HNF4G: variants seen among roughly 807,000 people sequenced by gnomAD.
HNF4G encodes the protein hepatocyte nuclear factor 4 gamma.
A neutral mutation model predicts 50.9 loss-of-function variants in HNF4G; 21 were observed. The observed-to-expected ratio is 0.41, with a 90% CI of 0.29 to 0.59. The LOEUF is 0.59. Among genes scored for constraint, HNF4G ranks in the 20% least tolerant of loss-of-function variants. The probability of loss-of-function intolerance (pLI) is 0.26; values close to 1 mark genes in which losing one functional copy is unlikely to be tolerated. For synonymous variants in HNF4G, 198 were observed against 185.6 expected, an observed-to-expected ratio of 1.07 and a Z score of -0.54; for missense variants, 527 against 559.4, an observed-to-expected ratio of 0.94 and a Z score of 0.58.
intron 1 of HNF4G, among the ~76,000 whole-genome samples, chr8:75,430,570 AG>A (rs899745623): frequency 1.3e-5 from 2 of 151,152 alleles, no homozygotes; most frequent in Non-Finnish European, 2.9e-5. Flanking sequence ...GGTGTAGTGA[AG>A]GAAAAGGAAA....
At chr8:75,493,267 C>T (rs1002802478) in intron 2 of HNF4G, among the ~76,000 whole-genome samples, 2 of 151,996 alleles carry the variant, frequency 1.3e-5, no homozygotes, top group African/African-American at 2.4e-5. Flanking sequence ...TTAGACTGAA[C>T]TGTACTGAGT....
Position 75,540,219 on chromosome 8 carries a change from G to A in HNF4G, c.118+139G>A, listed in dbSNP as rs1806576477. The stretch of plus-strand genomic sequence containing the variant: ...CTTGCTTTTAAGGCCACAGATCTGA[G>A]CTTTTGCACTTCATTACAAAATTTA... On this transcript the variant is annotated intron_variant, in intron 1 of 9. Transcript: ENST00000396423. The A allele has an allele frequency of 1.3e-5, 7 of 559,358 alleles. No homozygotes were observed. The East Asian group carries it at 2.1e-4, about 17-fold the overall frequency. 34.6% of individuals were successfully genotyped at this position (559,358 alleles called of 1,614,324 possible).
At chr8:75,560,850 A>G (rs563601308) in intron 9 of HNF4G, among the ~76,000 whole-genome samples, 1 of 152,320 alleles carries the variant, frequency 6.6e-6, no homozygotes, top group Non-Finnish European at 1.5e-5. Context: ...TTGTCAAAAT[A>G]TTAAGAACTC....
At chr8:75,471,279 G>A (rs1812105283) in intron 1 of HNF4G, among the ~76,000 whole-genome samples, 1 of 152,090 alleles carries the variant, frequency 6.6e-6, no homozygotes, top group African/African-American at 2.4e-5. Flanking sequence ...CAGAAAAGCA[G>A]GCATATGTAA....
intron 1 of HNF4G, among the ~76,000 whole-genome samples, chr8:75,424,313 C>A (rs561254420): frequency 6.6e-6 from 1 of 151,918 alleles, no homozygotes; most frequent in East Asian, 1.9e-4. Context: ...CTATCTAACC[C>A]TTTTTAAAAT....
At chr8:75,500,432 G>A (rs1182318895) in intron 2 of HNF4G, among the ~76,000 whole-genome samples, 2 of 152,078 alleles carry the variant, frequency 1.3e-5, no homozygotes, top group Non-Finnish European at 2.9e-5. Context: ...ATGTAAAATG[G>A]CCAACTGCTC....
At chr8:75,490,651 T>A (rs1812605378) in intron 2 of HNF4G, among the ~76,000 whole-genome samples, 1 of 152,144 alleles carries the variant, frequency 6.6e-6, no homozygotes, top group African/African-American at 2.4e-5. Context: ...GTAGAGTCAA[T>A]GTTCTGAAAA....
At chr8:75,491,378 A>G (rs1296764592) in intron 2 of HNF4G, among the ~76,000 whole-genome samples, 3 of 152,208 alleles carry the variant, frequency 2.0e-5, no homozygotes, top group African/African-American at 7.2e-5. Flanking sequence ...GTAATTATAC[A>G]CTAAAATCAT....
At chr8:75,509,278 C>T (rs1805686259) in intron 2 of HNF4G, among the ~76,000 whole-genome samples, 1 of 152,028 alleles carries the variant, frequency 6.6e-6, no homozygotes, top group African/African-American at 2.4e-5. Flanking sequence ...AAGGACTGAG[C>T]CAACATGACA....
intron 1 of HNF4G, among the ~76,000 whole-genome samples, chr8:75,433,050 T>C (rs911343608): frequency 3.3e-5 from 5 of 152,114 alleles, no homozygotes; most frequent in African/African-American, 1.2e-4. Context: ...GTGTACCCTG[T>C]GAGAGACCTC....
At chr8:75,477,652 A>G (rs1013819783) in intron 1 of HNF4G, among the ~76,000 whole-genome samples, 1 of 151,690 alleles carries the variant, frequency 6.6e-6, no homozygotes, top group Non-Finnish European at 1.5e-5. Context: ...ACCATTAAAA[A>G]TATATATATA....
At chr8:75,498,091 T>C (rs1246536917) in intron 2 of HNF4G, among the ~76,000 whole-genome samples, 1 of 152,114 alleles carries the variant, frequency 6.6e-6, no homozygotes, top group Non-Finnish European at 1.5e-5. Context: ...ATGCAAGAGA[T>C]ACATATATTC....
chr8:75,430,097 G>T (rs922029540), intron 1 of HNF4G, among the ~76,000 whole-genome samples: 2 of 151,454 alleles, frequency 1.3e-5, no homozygotes, highest in African/African-American at 4.9e-5. Context: ...ATTGCAGTGA[G>T]CCGAGTTCGC....
rs61226831 is a variant in HNF4G, at chr8:75,452,312, T to G, written c.-143-37777T>G. Among the ~76,000 whole-genome samples, 1,130 of 152,322 alleles carry G rather than the reference T, an allele frequency of 7.4e-3. 16 individuals carry two copies. The highest frequency in any genetic ancestry group is 0.026 in the African/African-American group (1,066 of 41,562). On this transcript the variant is annotated intron_variant, in intron 1 of 10. Transcript: ENST00000354370. ...ATAAACGATTGTTACAGTATTAGTA[T>G]GTGTCCAACACCACAGTACATGATT...
chr8:75,483,744 C>T (rs904155198), intron 1 of HNF4G, among the ~76,000 whole-genome samples: 2 of 152,074 alleles, frequency 1.3e-5, no homozygotes, highest in Admixed American at 6.6e-5. Context: ...GTATATAATA[C>T]TTTAAAAACT....
Position 75,530,282 on chromosome 8 carries a change from T to C in HNF4G, c.-23-13529T>C, listed in dbSNP as rs138302979. 2.6e-3 allele frequency among the ~76,000 whole-genome samples: 389 copies of C among 152,298 alleles called. 1 individual carries two copies. The highest frequency in any genetic ancestry group is 8.4e-3 in the African/African-American group (350 of 41,562). ...GGCATCACAAGCAGAGAGGTTCTAC[T>C]TGTCACTTTGCAACAAAACTGGCAA... On this transcript the variant is annotated intron_variant, in intron 2 of 10. Coordinates refer to the HNF4G transcript ENST00000354370.
intron 1 of HNF4G, among the ~76,000 whole-genome samples, chr8:75,426,677 G>T (rs1046500374): frequency 1.3e-5 from 2 of 151,174 alleles, no homozygotes; most frequent in Non-Finnish European, 3.0e-5. Context: ...GAGGATAAAA[G>T]GTTGTTTAGT....
intron 1 of HNF4G, among the ~76,000 whole-genome samples, chr8:75,483,426 G>A (rs1014401332): frequency 6.6e-6 from 1 of 152,006 alleles, no homozygotes; most frequent in Non-Finnish European, 1.5e-5. Context: ...GTGTTCTCTT[G>A]TTAAAAAGGA....
Position 75,464,966 on chromosome 8 carries a change from G to T in HNF4G, c.-143-25123G>T, listed in dbSNP as rs545402677. Among the ~76,000 whole-genome samples the T allele has an allele frequency of 1.2e-4, 18 of 152,244 alleles. 1 individual carries two copies. In the South Asian group the frequency reaches 3.7e-3, roughly 32 times the overall value. On this transcript the variant is annotated intron_variant, in intron 1 of 10. Coordinates refer to the HNF4G transcript ENST00000354370. ...CATGATGTAAAGGGTGGTAAACCTT[G>T]TTTTCTAATCCTTGTCTGGATTAGG...
Sources: gnomAD v4.1 joint callset for allele counts (sites outside exome capture counted in the v4.1 genomes callset) on GRCh38, gnomAD v4.1.1 for gene constraint, MANE v1.5 for transcripts, NCBI Gene and HGNC (gene_info 2026-07-23, HGNC 2026-07-21) for gene names.